ADGRG4: variants seen among roughly 807,000 people sequenced by gnomAD.
ADGRG4 encodes the protein G protein-coupled receptor 112.
In ADGRG4, 122 loss-of-function variants were observed where a neutral mutation model predicts 126.2. The ratio of observed to expected loss-of-function variants is 0.97; its 90% CI spans 0.83 to 1.12. The LOEUF is 1.12. ADGRG4 is among the 50% of genes most tolerant of loss of function. ADGRG4 has a pLI of 0.00. For synonymous variants in ADGRG4, 943 were observed against 838.7 expected (o/e 1.12, Z -2.15); for missense variants, 2,481 against 2,251.8 (o/e 1.10, Z -2.06).
At chrX:136,350,838 C>T (rs1301316557) in intron 6 of ADGRG4, among the ~76,000 whole-genome samples, 1 of 110,897 alleles carries the variant, frequency 9.0e-6, no homozygotes, top group Non-Finnish European at 1.9e-5. Flanking sequence ...GAAAAAAACA[C>T]CAGAATATAT....
At chrX:136,327,726 G>A (rs1168872933) in intron 5 of ADGRG4, among the ~76,000 whole-genome samples, 1 of 110,061 alleles carries the variant, frequency 9.1e-6, no homozygotes, top group Non-Finnish European at 1.9e-5. Context: ...ATCTTGGTAC[G>A]TTTAGGTTTT....
chrX:136,324,449 C>A (rs2074860115), intron 5 of ADGRG4, among the ~76,000 whole-genome samples: 1 of 110,391 alleles, frequency 9.1e-6, no homozygotes, highest in Admixed American at 9.7e-5. Context: ...TCACTCTAGC[C>A]AAGGCTAGAG....
chrX:136,326,444 AGCT>A (rs1365977508), intron 5 of ADGRG4, among the ~76,000 whole-genome samples: 2 of 112,357 alleles, frequency 1.8e-5, no homozygotes, highest in Non-Finnish European at 3.8e-5. Flanking sequence ...TAAGTAGTGT[AGCT>A]GGGGTTTGAA....
At chrX:136,416,369 C>T in intron 25 of ADGRG4, 85 bp from the exon 26 acceptor site, 2 of 711,787 alleles carry the variant, frequency 2.8e-6, no homozygotes, top group Admixed American at 3.0e-5. Context: ...TTTTTTCCTT[C>T]ATTTGATAAA....
intron 5 of ADGRG4, among the ~76,000 whole-genome samples, chrX:136,328,363 G>A (rs963127130): frequency 4.5e-5 from 5 of 112,007 alleles, no homozygotes; most frequent in African/African-American, 1.6e-4. Context: ...ACAAGCTAAA[G>A]TTCCTCTCAA....
At chrX:136,343,002 C>T (rs1330069316) in intron 5 of ADGRG4, among the ~76,000 whole-genome samples, 1 of 105,875 alleles carries the variant, frequency 9.4e-6, no homozygotes, top group African/African-American at 3.5e-5. Flanking sequence ...AGAGGGGGTC[C>T]AAGAGTAGTG....
At chrX:136,335,280 C>G (rs1055111195) in intron 5 of ADGRG4, among the ~76,000 whole-genome samples, 6 of 109,556 alleles carry the variant, frequency 5.5e-5, no homozygotes, top group Admixed American at 2.9e-4. Flanking sequence ...ATTTAGTTTG[C>G]TCATATATTG....
intron 21 of ADGRG4, among the ~76,000 whole-genome samples, chrX:136,402,195 A>G (rs1393495733): frequency 8.9e-6 from 1 of 112,615 alleles, no homozygotes; most frequent in Non-Finnish European, 1.9e-5. Flanking sequence ...TTTAATGACA[A>G]AAACCACAAT....
At chrX:136,392,618 T>A (rs1159175385) in intron 17 of ADGRG4, among the ~76,000 whole-genome samples, 2 of 112,143 alleles carry the variant, frequency 1.8e-5, no homozygotes. Context: ...TCACACTAAA[T>A]GACATGTGAT....
chrX:136,353,970 C>T (rs1051056275), intron 8 of ADGRG4, among the ~76,000 whole-genome samples: 6 of 111,441 alleles, frequency 5.4e-5, no homozygotes, highest in Admixed American at 2.9e-4. Flanking sequence ...TCTTTCGCTG[C>T]ACATATACTA....
chrX:136,373,180 G>T, intron 15 of ADGRG4, 116 bp downstream of exon 15: 1 of 612,833 alleles, frequency 1.6e-6, no homozygotes, highest in South Asian at 3.8e-5. Context: ...GGACCTTATG[G>T]AAATACAGAC....
At chrX:136,338,028 G>C (rs1360307610) in intron 5 of ADGRG4, among the ~76,000 whole-genome samples, 2 of 110,243 alleles carry the variant, frequency 1.8e-5, no homozygotes, top group African/African-American at 6.6e-5. Context: ...GTTTAGATTG[G>C]GTGAATTCTA....
At chrX:136,354,433 G>C (rs1051933632) in intron 8 of ADGRG4, among the ~76,000 whole-genome samples, 1 of 111,269 alleles carries the variant, frequency 9.0e-6, no homozygotes, top group African/African-American at 3.3e-5. Context: ...TAAGGGTACT[G>C]TTTCAAAAAA....
At chrX:136,361,429 A>T in intron 11 of ADGRG4, 26 bp from the exon 12 acceptor site, 1 of 1,077,837 alleles carries the variant, frequency 9.3e-7, no homozygotes, top group Middle Eastern at 2.6e-4. Flanking sequence ...CTTGTCCTTT[A>T]AAATGTGCAT....
Position 136,345,658 on chromosome X carries a change from G to T in ADGRG4, c.1952G>T (p.Ser651Ile), listed in dbSNP as rs764341510. 4.1e-6 allele frequency: 5 copies of T among 1,210,613 alleles called. No homozygotes were observed. Among genetic ancestry groups the T allele is most frequent in the Non-Finnish European group, 5.6e-6 (5 of 894,638 alleles). Residue 651 changes from serine (S) to isoleucine (I), a missense_variant, in exon 6 of 26, where the codon AGC (serine) becomes ATC (isoleucine). By Grantham distance (142) the Ser-to-Ile change is moderately radical. Transcript: ENST00000394143. ...TTDEAAHLFS[S>I]NETIWTSRPD... ...GATGAAGCTGCCCATCTGTTCTCCAGCAATGAGACCATTTGGACTTCTAGG... is the reference window on the plus strand; with the variant it reads ...GATGAAGCTGCCCATCTGTTCTCCATCAATGAGACCATTTGGACTTCTAGG...
At chrX:136,394,680 C>G (rs1241447041) in intron 18 of ADGRG4, among the ~76,000 whole-genome samples, 1 of 111,973 alleles carries the variant, frequency 8.9e-6, no homozygotes, top group Non-Finnish European at 1.9e-5. Flanking sequence ...GCACCTCTGC[C>G]CCGTGGATCT....
intron 5 of ADGRG4, among the ~76,000 whole-genome samples, chrX:136,337,206 C>A (rs974481484): frequency 4.5e-5 from 5 of 111,728 alleles, no homozygotes; most frequent in African/African-American, 1.3e-4. Flanking sequence ...TGGCTTCAAG[C>A]AATCTTCCTG....
In ADGRG4 at chrX:136,345,336, A is replaced by C; in HGVS notation, c.1630A>C (p.Met544Leu). ...CTCTTTACCCAGAGTGGAAGATGCC[A>C]TGTCTACTTCCATGTCGAAAGAGAC... ...DVSLPRVEDA[M>L]STSMSKETSS... The change falls in exon 6 of 26, where the codon ATG becomes CTG. Residue 544 changes from methionine to leucine, a missense_variant. Met to Leu is a conservative substitution (Grantham distance 15, BLOSUM62 2). Transcript: ENST00000394143. 1 of 1,210,857 alleles carries C rather than the reference A, an allele frequency of 8.3e-7. No individual in the cohort carries two copies. The highest frequency in any genetic ancestry group is 1.1e-6 in the Non-Finnish European group (1 of 894,773).
At chrX:136,387,951 A>T in intron 16 of ADGRG4, 77 bp downstream of exon 16, 1 of 950,801 alleles carries the variant, frequency 1.1e-6, no homozygotes, top group Non-Finnish European at 1.5e-6. Flanking sequence ...TGCTATTTTC[A>T]TGATGTTCTG....
Sources: allele counts gnomAD v4.1 joint callset (sites outside exome capture counted in the v4.1 genomes callset), GRCh38; gene constraint gnomAD v4.1.1; transcripts MANE v1.5; gene names NCBI Gene and HGNC (gene_info 2026-07-23, HGNC 2026-07-21).